The following MACROD2 variants were observed in gnomAD, a reference collection of about 807,000 sequenced individuals.
The protein encoded by MACROD2 is ADP-ribose glycohydrolase MACROD2.
In MACROD2, 36 loss-of-function variants were observed where a neutral mutation model predicts 70.4. The observed-to-expected ratio is 0.51, with a 90% confidence interval of 0.39 to 0.68. MACROD2 has a LOEUF of 0.68. Among genes scored for constraint, MACROD2 ranks in the 30% least tolerant of loss-of-function variants. The probability of loss-of-function intolerance (pLI) is 0.00; values close to 1 mark genes in which losing one functional copy is unlikely to be tolerated. For synonymous variants in MACROD2, 172 were observed against 178.8 expected, an observed-to-expected ratio of 0.96 and a Z score of 0.30; for missense variants, 496 against 538.4, an observed-to-expected ratio of 0.92 and a Z score of 0.78.
At chr20:15,730,643 G>A (rs75671026) in intron 8 of MACROD2, among the ~76,000 whole-genome samples, 1 of 151,876 alleles carries the variant, frequency 6.6e-6, no homozygotes, top group Non-Finnish European at 1.5e-5. Flanking sequence ...CAACCTCAGA[G>A]AATCTAATGA....
chr20:15,252,771 C>G (rs1193189011), intron 6 of MACROD2, among the ~76,000 whole-genome samples: 5 of 152,196 alleles, frequency 3.3e-5, no homozygotes, highest in African/African-American at 1.2e-4. Context: ...CAATTGCAGA[C>G]ATTCCTGTGA....
At chr20:15,631,987 A>C (rs2049297984) in intron 8 of MACROD2, among the ~76,000 whole-genome samples, 2 of 151,914 alleles carry the variant, frequency 1.3e-5, no homozygotes, top group Non-Finnish European at 2.9e-5. Flanking sequence ...AAAATACAAA[A>C]AGTTAGCTGG....
At position 14,022,589 on chromosome 20, in the gene MACROD2, G is replaced by A. The variant is rs6042482; in HGVS notation, c.163+20185G>A. The stretch of plus-strand genomic sequence containing the variant: ...TATTTCTCCTAATGCTATCTTTCCC[G>A]TAGCCCTCCCCCACCCACCGACAGG... On this transcript the variant is annotated intron_variant, in intron 2 of 17. Coordinates refer to ENST00000684519, the MANE Select transcript of MACROD2 (RefSeq NM_001351661.2). 7.0e-3 allele frequency among the ~76,000 whole-genome samples: 1,058 copies of A among 151,594 alleles called. 13 individuals carry two copies. The highest frequency in any genetic ancestry group is 0.024 in the African/African-American group (999 of 41,320).
chr20:15,935,257 G>A lies in MACROD2; in HGVS notation c.838+1919G>A, dbSNP rs150122165. On this transcript the variant is annotated intron_variant, in intron 11 of 17. Coordinates refer to ENST00000684519, the MANE Select transcript of MACROD2 (RefSeq NM_001351661.2). ...TGATAGCGTTATCACCACAATAGGG[G>A]CACTTCTCAATGTGAAGAAGGGTCC... Among the ~76,000 whole-genome samples, 548 of 152,258 alleles carry A rather than the reference G, an allele frequency of 3.6e-3. 2 individuals are homozygous for A. Among genetic ancestry groups the A allele is most frequent in the African/African-American group, 0.013 (526 of 41,548 alleles).
intron 5 of MACROD2, among the ~76,000 whole-genome samples, chr20:15,065,743 T>C (rs1025485254): frequency 1.5e-4 from 23 of 152,194 alleles, no homozygotes; most frequent in Non-Finnish European, 2.9e-4. Context: ...ACAGAGTATA[T>C]TTATCTCATA....
rs960211433 is a variant in MACROD2, at chr20:15,968,807, A to G, written c.985+1177A>G. Reference sequence around the variant, plus strand: ...TATTATATATTATGCGTATATATATATATATATATATATATATATATATAT... The same window carrying G: ...TATTATATATTATGCGTATATATATGTATATATATATATATATATATATAT... On this transcript the variant is annotated intron_variant, in intron 13 of 17. Coordinates refer to ENST00000684519, the MANE Select transcript of MACROD2 (RefSeq NM_001351661.2). Among the ~76,000 whole-genome samples the G allele has an allele frequency of 2.0e-4, 14 of 70,486 alleles. No homozygotes were observed. In the East Asian group the frequency reaches 5.5e-3, roughly 28 times the overall value. 46.2% of individuals were successfully genotyped at this position (70,486 alleles called of 152,430 possible). A position where few individuals can be genotyped will look rare whatever the true frequency, so the allele number is the denominator to read the frequency against.
chr20:14,149,637 A>G (rs937250010), intron 3 of MACROD2, among the ~76,000 whole-genome samples: 2 of 152,160 alleles, frequency 1.3e-5, no homozygotes, highest in Non-Finnish European at 2.9e-5. Context: ...CCATAGCCTT[A>G]TAGCCAATGT....
intron 4 of MACROD2, among the ~76,000 whole-genome samples, chr20:14,505,037 C>T (rs2084953763): frequency 6.6e-6 from 1 of 152,104 alleles, no homozygotes; most frequent in East Asian, 1.9e-4. Flanking sequence ...AAAATGTATT[C>T]ATGTAGATAT....
chr20:15,725,738 T>G (rs1247937772), intron 8 of MACROD2, among the ~76,000 whole-genome samples: 1 of 152,122 alleles, frequency 6.6e-6, no homozygotes, highest in Middle Eastern at 3.4e-3. Context: ...TTTTTCAACA[T>G]TTATTTTAGT....
chr20:15,619,996 A>T (rs956376509), intron 8 of MACROD2, among the ~76,000 whole-genome samples: 1 of 152,098 alleles, frequency 6.6e-6, no homozygotes, highest in Non-Finnish European at 1.5e-5. Flanking sequence ...ACGAATCTTC[A>T]TTCCAGATAG....
rs532986552 is a variant in MACROD2, at chr20:14,730,764, A to G, written c.418+45805A>G. Among the ~76,000 whole-genome samples the G allele has an allele frequency of 1.4e-4, 21 of 152,168 alleles. No individual in the cohort carries two copies. The South Asian group carries it at 1.4e-3, about 11-fold the overall frequency. ...TATAAACCAATAATAGCATCCGTTC[A>G]TAAGATTCAAAAACAGATAAAAAAA... is the stretch of plus-strand genomic sequence containing the variant. On this transcript the variant is annotated intron_variant, in intron 5 of 17. Transcript: ENST00000684519.
At chr20:15,325,275 TATGA>T (rs2077916417) in intron 6 of MACROD2, among the ~76,000 whole-genome samples, 1 of 152,192 alleles carries the variant, frequency 6.6e-6, no homozygotes, top group South Asian at 2.1e-4. Flanking sequence ...GGCCAAAGTC[TATGA>T]CCTTTTGAGG....
At chr20:15,085,537 G>A (rs1172969627) in intron 5 of MACROD2, among the ~76,000 whole-genome samples, 1 of 151,918 alleles carries the variant, frequency 6.6e-6, no homozygotes, top group Non-Finnish European at 1.5e-5. Context: ...ACTTTTACAA[G>A]TCAATAATAG....
chr20:14,406,804 A>G, intron 3 of MACROD2, among the ~76,000 whole-genome samples: 1 of 152,192 alleles, frequency 6.6e-6, no homozygotes, highest in Non-Finnish European at 1.5e-5. Flanking sequence ...ATACTTCAGC[A>G]TATCACATAT....
chr20:15,660,402 A>AT (rs10665751), intron 8 of MACROD2, among the ~76,000 whole-genome samples: 8,993 of 150,954 alleles, frequency 0.06, 346 homozygotes, highest in East Asian at 0.2. Flanking sequence ...CATGCACATC[A>AT]TTTTTTTTTC....
chr20:14,465,311 A>G (rs937421600), intron 3 of MACROD2, among the ~76,000 whole-genome samples: 8 of 151,530 alleles, frequency 5.3e-5, no homozygotes, highest in African/African-American at 1.7e-4. Context: ...GTCTCTTTTG[A>G]TGTTTGTTGG....
chr20:15,969,871 A>G (rs2066203098), intron 13 of MACROD2, among the ~76,000 whole-genome samples: 1 of 151,692 alleles, frequency 6.6e-6, no homozygotes, highest in African/African-American at 2.4e-5. Flanking sequence ...ATATAAATAA[A>G]TAAATAAATC....
At chr20:14,462,892 A>G (rs1404218363) in intron 3 of MACROD2, among the ~76,000 whole-genome samples, 3 of 151,890 alleles carry the variant, frequency 2.0e-5, no homozygotes, top group Non-Finnish European at 4.4e-5. Flanking sequence ...CCATTGGTCT[A>G]TATCTCTGTT....
At chr20:15,555,828 C>CAAAAAAAAAAAAAAA (rs397838341) in intron 8 of MACROD2, among the ~76,000 whole-genome samples, 22 of 18,464 alleles carry the variant, frequency 1.2e-3, no homozygotes, top group East Asian at 2.3e-3. Flanking sequence ...GACTCCATCT[C>CAAAAAAAAAAAAAAA]AAAAAAAAAA....
Sources: allele counts gnomAD v4.1 joint callset (sites outside exome capture counted in the v4.1 genomes callset), GRCh38; gene constraint gnomAD v4.1.1; transcripts MANE v1.5; gene names NCBI Gene and HGNC (gene_info 2026-07-23, HGNC 2026-07-21).